PAX2: variants seen among roughly 807,000 people sequenced by gnomAD.
PAX2 encodes paired box 2, also known as paired box protein Pax-2.
A neutral mutation model predicts 41.7 loss-of-function variants in PAX2; 9 were observed. The observed-to-expected ratio is 0.22, with a 90% confidence interval of 0.13 to 0.38. PAX2 has a LOEUF of 0.38. Among genes scored for constraint, PAX2 ranks in the 10% least tolerant of loss-of-function variants. The pLI is 1.00. For synonymous variants in PAX2, 221 were observed against 212.7 expected, an observed-to-expected ratio of 1.04 and a Z score of -0.34; for missense variants, 418 against 531.6, an observed-to-expected ratio of 0.79 and a Z score of 2.10.
chr10:100,816,206 T>C (rs1349134609), intron 7 of PAX2, among the ~76,000 whole-genome samples: 2 of 152,216 alleles, frequency 1.3e-5, no homozygotes, highest in Non-Finnish European at 2.9e-5. Flanking sequence ...AAATCAATGA[T>C]CTTGCTATCA....
chr10:100,748,555 A>AG lies in PAX2; in HGVS notation c.44-1190dup. 1 of 985,382 alleles carries AG rather than the reference A, an allele frequency of 1.0e-6. No homozygotes were observed. Among genetic ancestry groups the AG allele is most frequent in the African/African-American group, 1.7e-5 (1 of 57,350 alleles). The allele number at this position is 985,382 out of a possible 1,614,324, so 61.0% of individuals were successfully genotyped here. On this transcript the variant is annotated intron_variant, in intron 1 of 9. Transcript: ENST00000355243. The surrounding 1 kb of genome is among the most constrained non-coding windows in gnomAD (Gnocchi z 5.0). ...GGGCCGACCCGACTCGGCCGCTAGAAGTCTCTGCGCTTGGATTGCTCAGTA... is the reference window on the plus strand; with the variant it reads ...GGGCCGACCCGACTCGGCCGCTAGAAGGTCTCTGCGCTTGGATTGCTCAGTA...
At chr10:100,805,640 C>T (rs1328892698) in intron 5 of PAX2, among the ~76,000 whole-genome samples, 3 of 152,204 alleles carry the variant, frequency 2.0e-5, no homozygotes, top group Non-Finnish European at 4.4e-5. Context: ...TAAGACTCTG[C>T]TCCCTCTGGA....
chr10:100,741,206 G>GC (rs1364976208), upstream of PAX2, among the ~76,000 whole-genome samples: 6 of 152,106 alleles, frequency 3.9e-5, no homozygotes, highest in South Asian at 2.1e-4. Flanking sequence ...TGGGAGTCAG[G>GC]CCCCCCGGGC....
At chr10:100,798,446 G>T (rs891084592) in intron 5 of PAX2, among the ~76,000 whole-genome samples, 2 of 151,978 alleles carry the variant, frequency 1.3e-5, no homozygotes, top group African/African-American at 4.8e-5. Flanking sequence ...AGCTTGGCTT[G>T]GGAACTGTGG....
At chr10:100,738,346 C>T (rs907957437) in intron 1 of PAX2, among the ~76,000 whole-genome samples, 2 of 152,194 alleles carry the variant, frequency 1.3e-5, no homozygotes, top group Admixed American at 1.3e-4. Context: ...GCTGCGGAGG[C>T]CTTGGCCTCG....
At chr10:100,805,620 AC>A (rs1230451498) in intron 5 of PAX2, among the ~76,000 whole-genome samples, 1 of 152,184 alleles carries the variant, frequency 6.6e-6, no homozygotes, top group Non-Finnish European at 1.5e-5. Flanking sequence ...GGGAGCAGGC[AC>A]CGGTGTGATA....
At chr10:100,749,213 G>A (rs1033578565) in intron 1 of PAX2, 3 of 989,200 alleles carry the variant, frequency 3.0e-6, no homozygotes, top group South Asian at 4.7e-5. Flanking sequence ...GCAAAGGGGG[G>A]TGTGTGTGTC....
At chr10:100,780,821 G>T (rs1589847467) in intron 4 of PAX2, among the ~76,000 whole-genome samples, 1 of 152,304 alleles carries the variant, frequency 6.6e-6, no homozygotes, top group East Asian at 1.9e-4. Flanking sequence ...AGAAGGGTTT[G>T]CCCAGCCCCA....
At chr10:100,769,679 A>C (rs1282440459) in intron 3 of PAX2, among the ~76,000 whole-genome samples, 1 of 148,466 alleles carries the variant, frequency 6.7e-6, no homozygotes, top group Non-Finnish European at 1.5e-5. Context: ...TAAAAAAATA[A>C]AAAACAAAAA....
chr10:100,757,596 A>G (rs530805735), intron 3 of PAX2, among the ~76,000 whole-genome samples: 12 of 152,284 alleles, frequency 7.9e-5, no homozygotes, highest in African/African-American at 2.6e-4. Flanking sequence ...TTCCCAACAC[A>G]ATCCTTCCTC....
At chr10:100,773,793 T>A (rs2133883083) in intron 3 of PAX2, among the ~76,000 whole-genome samples, 1 of 152,296 alleles carries the variant, frequency 6.6e-6, no homozygotes, top group African/African-American at 2.4e-5. Context: ...TTTTACAGTG[T>A]CATCAGGCTA....
chr10:100,796,247 TTC>T (rs1375779409), intron 5 of PAX2, among the ~76,000 whole-genome samples: 1 of 152,222 alleles, frequency 6.6e-6, no homozygotes, highest in Non-Finnish European at 1.5e-5. Context: ...TATTTTCCCA[TTC>T]TCTTTCTTTT....
chr10:100,738,512 C>A (rs777326061), intron 1 of PAX2, among the ~76,000 whole-genome samples: 2 of 152,202 alleles, frequency 1.3e-5, no homozygotes, highest in Admixed American at 6.5e-5. Flanking sequence ...AACACTCAAG[C>A]ACACTCCTAC....
intron 7 of PAX2, among the ~76,000 whole-genome samples, chr10:100,810,154 C>T (rs564544615): frequency 2.0e-4 from 30 of 152,034 alleles, no homozygotes; most frequent in Non-Finnish European, 3.4e-4. Flanking sequence ...ACCTGCAGAG[C>T]GAGGCAAGCG....
intron 3 of PAX2, among the ~76,000 whole-genome samples, chr10:100,757,898 G>A (rs1477044634): frequency 1.3e-5 from 2 of 152,204 alleles, no homozygotes; most frequent in East Asian, 1.9e-4. Context: ...CTGTAGGAGA[G>A]GGAGCAGCCT....
intron 3 of PAX2, among the ~76,000 whole-genome samples, chr10:100,772,233 A>T (rs1415577300): frequency 6.6e-6 from 1 of 151,702 alleles, no homozygotes; most frequent in Non-Finnish European, 1.5e-5. Context: ...GTTCCACTTC[A>T]CCACTGCAAT....
chr10:100,829,636 T>C lies in PAX2; in HGVS notation c.*2017T>C, dbSNP rs2133995112. On this transcript the variant is annotated 3_prime_UTR_variant, in exon 10 of 10. Coordinates refer to ENST00000355243, the MANE Select transcript of PAX2 (RefSeq NM_000278.5). The stretch of plus-strand genomic sequence containing the variant: ...CCAGATCTCTCTCCCCTGCGAGCCC[T>C]TTTTATTTGAGAAGGAAAAAGAGAA... The C allele has an allele frequency of 4.9e-6, 1 of 204,532 alleles. No homozygotes were observed. Among genetic ancestry groups the C allele is most frequent in the East Asian group, 7.2e-5 (1 of 13,922 alleles). The allele number at this position is 204,532 out of a possible 1,614,324, so 12.7% of individuals were successfully genotyped here.
At chr10:100,749,683 C>G (rs1845360649) in intron 1 of PAX2, 63 bp from the exon 2 acceptor site, 3 of 1,567,808 alleles carry the variant, frequency 1.9e-6, no homozygotes, top group African/African-American at 2.7e-5. Context: ...GGCCGCGGAC[C>G]CTGACTAATG....
intron 3 of PAX2, among the ~76,000 whole-genome samples, chr10:100,769,270 C>T (rs1474823920): frequency 2.0e-5 from 3 of 152,208 alleles, no homozygotes; most frequent in Non-Finnish European, 4.4e-5. Flanking sequence ...ATATAAAGTG[C>T]TTTGCACAGT....
Sources: gnomAD v4.1 joint callset for allele counts (sites outside exome capture counted in the v4.1 genomes callset) on GRCh38, gnomAD v4.1.1 for gene constraint, Gnocchi (gnomAD v3.1) non-coding constraint, MANE v1.5 for transcripts, NCBI Gene and HGNC (gene_info 2026-07-23, HGNC 2026-07-21) for gene names.